The following ZNF26 variants were observed in gnomAD, a reference collection of about 807,000 sequenced individuals.
ZNF26 encodes the protein zinc finger protein 26, also known as epididymis luminal protein 179.
ZNF26 carries 32 observed loss-of-function variants against 54.9 expected under a neutral mutation model. The ratio of observed to expected loss-of-function variants is 0.58; its 90% CI spans 0.44 to 0.78. The LOEUF is 0.78. Ranked by LOEUF, ZNF26 falls within the 30% of genes least tolerant of loss-of-function variation. The probability of loss-of-function intolerance (pLI) is 0.00; values close to 1 mark genes in which losing one functional copy is unlikely to be tolerated. For missense variants in ZNF26, 524 were observed against 634.0 expected, an observed-to-expected ratio of 0.83 and a Z score of 1.86; for synonymous variants, 221 against 209.2, an observed-to-expected ratio of 1.06 and a Z score of -0.49.
intron 1 of ZNF26, among the ~76,000 whole-genome samples, chr12:132,990,311 G>T (rs1023453360): frequency 6.6e-6 from 1 of 152,060 alleles, no homozygotes; most frequent in East Asian, 1.9e-4. Flanking sequence ...AGTTTTTTCT[G>T]CATCTATCTA....
intron 3 of ZNF26, among the ~76,000 whole-genome samples, chr12:133,008,004 T>C (rs920340797): frequency 6.6e-6 from 1 of 152,164 alleles, no homozygotes; most frequent in Admixed American, 6.5e-5. Flanking sequence ...CACCTTATAC[T>C]TCCCTTTTGC....
In ZNF26 at chr12:133,010,546, G is replaced by A; in HGVS notation, c.667G>A (p.Val223Ile). 1 of 1,614,166 alleles carries A rather than the reference G, an allele frequency of 6.2e-7. No homozygotes were observed. The highest frequency in any genetic ancestry group is 1.1e-5 in the South Asian group (1 of 91,086). The change falls in exon 4 of 4, where the codon GTT becomes ATT. Residue 223 changes from valine (V) to isoleucine (I), a missense_variant. Val to Ile is a conservative substitution (Grantham distance 29). Transcript: ENST00000328654. ...AKSNLNAHQR[V>I]HTGEKPYSCS... Reference sequence around the variant, plus strand: ...GTCAAACCTTAATGCTCATCAGAGAGTTCATACAGGAGAAAAACCCTACTC... The same window carrying A: ...GTCAAACCTTAATGCTCATCAGAGAATTCATACAGGAGAAAAACCCTACTC...
intron 1 of ZNF26, among the ~76,000 whole-genome samples, chr12:132,997,301 C>T (rs2137228405): frequency 6.6e-6 from 1 of 152,204 alleles, no homozygotes; most frequent in African/African-American, 2.4e-5. Context: ...GAGTCCAGAA[C>T]AGGGGTTAAT....
chr12:133,003,324 G>A (rs796202900), intron 1 of ZNF26, among the ~76,000 whole-genome samples: 2,678 of 147,704 alleles, frequency 0.018, 82 homozygotes, highest in African/African-American at 0.062. Flanking sequence ...GCGCAATCTC[G>A]GCACACTGCA....
intron 1 of ZNF26, among the ~76,000 whole-genome samples, chr12:133,003,311 G>A (rs1953259012): frequency 6.7e-6 from 1 of 148,718 alleles, no homozygotes; most frequent in South Asian, 2.1e-4. Context: ...CTGGAGTGCA[G>A]TGGCGCAATC....
At chr12:132,991,280 G>A (rs959993232) in intron 1 of ZNF26, among the ~76,000 whole-genome samples, 14 of 151,022 alleles carry the variant, frequency 9.3e-5, no homozygotes, top group African/African-American at 1.7e-4. Flanking sequence ...GGTGAATCAC[G>A]AGGTCAGATG....
chr12:132,990,439 G>A (rs377284736), intron 1 of ZNF26, among the ~76,000 whole-genome samples: 2 of 152,038 alleles, frequency 1.3e-5, no homozygotes, highest in Admixed American at 6.6e-5. Flanking sequence ...ATACATTGTT[G>A]TATTTTATTT....
chr12:133,000,327 C>T (rs879117950), intron 1 of ZNF26, among the ~76,000 whole-genome samples: 1 of 151,740 alleles, frequency 6.6e-6, no homozygotes. Context: ...TTCTCGCTCA[C>T]TGCAGCCTTC....
Position 133,010,314 on chromosome 12 carries a change from T to C in ZNF26, c.435T>C (p.Tyr145=). ...LTQNSAPSRS[Y]LRKNPDKFHG... is the part of the protein sequence containing the mutation. The stretch of plus-strand genomic sequence containing the variant: ...AAAACTCAGCTCCAAGCAGAAGTTA[T>C]TTAAGAAAGAATCCTGATAAGTTTC... The change falls in exon 4 of 4, where the codon TAT becomes TAC. Residue 145 remains tyrosine, a synonymous_variant. Coordinates refer to ENST00000328654, the MANE Select transcript of ZNF26 (RefSeq NM_019591.4). 6.2e-7 allele frequency: 1 copy of C among 1,614,018 alleles called. No homozygotes were observed. The highest frequency in any genetic ancestry group is 8.5e-7 in the Non-Finnish European group (1 of 1,180,000).
chr12:133,009,216 A>G (rs1953412982), intron 3 of ZNF26, among the ~76,000 whole-genome samples: 1 of 152,232 alleles, frequency 6.6e-6, no homozygotes, highest in Non-Finnish European at 1.5e-5. Flanking sequence ...ATAGCTTCCT[A>G]AAGTATTTCT....
intron 3 of ZNF26, among the ~76,000 whole-genome samples, chr12:133,009,707 T>C (rs1953427266): frequency 6.6e-6 from 1 of 152,186 alleles, no homozygotes; most frequent in East Asian, 1.9e-4. Context: ...CTTTTTCTAT[T>C]TCTTAAACCC....
At chr12:133,007,671 G>C (rs1441252318) in intron 3 of ZNF26, 139 bp downstream of exon 3, 5 of 584,512 alleles carry the variant, frequency 8.6e-6, no homozygotes, top group African/African-American at 5.6e-5. Context: ...GATGAAGCCA[G>C]GAGCTCCTCA....
chr12:133,010,724 G>A lies in ZNF26; in HGVS notation c.845G>A (p.Gly282Glu). ...QLLLHQRSHTGVKPYECSECG... is the reference protein window; with the variant it reads ...QLLLHQRSHTEVKPYECSECG... The stretch of plus-strand genomic sequence containing the variant: ...CTTTTACACCAGAGAAGTCACACAG[G>A]AGTGAAACCGTATGAATGCAGCGAA... Residue 282 changes from glycine (G) to glutamate (E), a missense_variant, in exon 4 of 4, where the codon GGA becomes GAA. By Grantham distance (98) the Gly-to-Glu change is moderately conservative (BLOSUM62 -2). Transcript: ENST00000328654. 6.2e-7 allele frequency: 1 copy of A among 1,613,538 alleles called. No homozygotes were observed. Among genetic ancestry groups the A allele is most frequent in the Non-Finnish European group, 8.5e-7 (1 of 1,179,590 alleles).
chr12:133,008,128 A>G (rs961778088), intron 3 of ZNF26, among the ~76,000 whole-genome samples: 69 of 152,118 alleles, frequency 4.5e-4, no homozygotes, highest in African/African-American at 1.6e-3. Context: ...TGTAACATCA[A>G]AATTGACGTC....
chr12:132,989,410 T>C (rs954541953), intron 1 of ZNF26, among the ~76,000 whole-genome samples: 2 of 152,218 alleles, frequency 1.3e-5, no homozygotes, highest in African/African-American at 4.8e-5. Flanking sequence ...ACAGTCATTA[T>C]ACATTTTACA....
intron 1 of ZNF26, among the ~76,000 whole-genome samples, chr12:133,002,450 G>A (rs1953239206): frequency 6.6e-6 from 1 of 152,000 alleles, no homozygotes; most frequent in South Asian, 2.1e-4. Context: ...CAGTCAGGAT[G>A]ATCTCAAAAT....
At chr12:132,989,288 G>A (rs1260172712) in intron 1 of ZNF26, among the ~76,000 whole-genome samples, 1 of 151,904 alleles carries the variant, frequency 6.6e-6, no homozygotes, top group Non-Finnish European at 1.5e-5. Flanking sequence ...AGCCCACCTC[G>A]GCCTCCTAAA....
At chr12:132,996,368 A>T (rs1022475308) in intron 1 of ZNF26, among the ~76,000 whole-genome samples, 8 of 152,302 alleles carry the variant, frequency 5.3e-5, no homozygotes, top group Admixed American at 5.2e-4. Context: ...CAGCAATTTT[A>T]GCTCACCCAA....
intron 1 of ZNF26, chr12:132,987,911 G>A (rs1203170827): frequency 6.1e-6 from 1 of 163,346 alleles, no homozygotes; most frequent in African/African-American, 2.4e-5. Context: ...ATTTATATGG[G>A]TCTATTTCTG....
Sources: allele counts gnomAD v4.1 joint callset (sites outside exome capture counted in the v4.1 genomes callset), GRCh38; gene constraint gnomAD v4.1.1; transcripts MANE v1.5; gene names NCBI Gene and HGNC (gene_info 2026-07-23, HGNC 2026-07-21).